EPB41L4A: variants seen among roughly 807,000 people sequenced by gnomAD.
EPB41L4A encodes the protein erythrocyte membrane protein band 4.1 like 4A.
EPB41L4A carries 100 observed loss-of-function variants against 108.6 expected under a neutral mutation model. That is an observed-to-expected ratio of 0.92 (90% CI 0.78 to 1.09). The LOEUF is 1.09. Ranked by LOEUF, EPB41L4A falls within the 50% of genes least tolerant of loss-of-function variation. The pLI is 0.00. For synonymous variants in EPB41L4A, 319 were observed against 289.0 expected (o/e 1.10, Z -1.05); for missense variants, 1,030 against 842.7 (o/e 1.22, Z -2.75).
chr5:112,320,012 G>T (rs1022973554), intron 1 of EPB41L4A, among the ~76,000 whole-genome samples: 1 of 152,230 alleles, frequency 6.6e-6, no homozygotes, highest in African/African-American at 2.4e-5. Context: ...ATCTGTGAGT[G>T]AAGGATCTAA....
chr5:112,204,569 C>A, intron 14 of EPB41L4A, 81 bp from the exon 15 acceptor site: 1 of 803,102 alleles, frequency 1.2e-6, no homozygotes, highest in Non-Finnish European at 2.1e-6. Context: ...CTATTCATAA[C>A]TGCACAGCTG....
intron 16 of EPB41L4A, 159 bp from the exon 17 acceptor site, chr5:112,194,804 G>A: frequency 2.0e-6 from 1 of 504,472 alleles, no homozygotes; most frequent in South Asian, 3.3e-5. Flanking sequence ...CAGTGTTTCT[G>A]AACTCAGTAA....
intron 18 of EPB41L4A, among the ~76,000 whole-genome samples, chr5:112,180,715 C>A (rs1761103265): frequency 6.8e-6 from 1 of 146,186 alleles, no homozygotes. Context: ...TGGTCTTCAT[C>A]AAAATTAAAA....
intron 12 of EPB41L4A, among the ~76,000 whole-genome samples, chr5:112,231,806 A>AT (rs1748969683): frequency 6.8e-6 from 1 of 147,724 alleles, no homozygotes; most frequent in Non-Finnish European, 1.5e-5. Flanking sequence ...AAAAAAAAAA[A>AT]AAAAAAAAAA....
chr5:112,344,114 A>T (rs1757491491), intron 1 of EPB41L4A, among the ~76,000 whole-genome samples: 1 of 152,178 alleles, frequency 6.6e-6, no homozygotes, highest in Non-Finnish European at 1.5e-5. Flanking sequence ...GAATTATTAA[A>T]CGTTCCACTA....
intron 1 of EPB41L4A, among the ~76,000 whole-genome samples, chr5:112,398,093 C>T (rs1761485714): frequency 6.6e-6 from 1 of 152,150 alleles, no homozygotes; most frequent in South Asian, 2.1e-4. Flanking sequence ...AACAAGCTGG[C>T]GAAAGCACAG....
At chr5:112,258,527 T>C (rs980600820) in intron 9 of EPB41L4A, among the ~76,000 whole-genome samples, 4 of 152,224 alleles carry the variant, frequency 2.6e-5, no homozygotes, top group African/African-American at 9.6e-5. Context: ...CACTCATGTA[T>C]CCCATAATAT....
At chr5:112,411,589 T>C (rs923625708) in intron 1 of EPB41L4A, among the ~76,000 whole-genome samples, 1 of 151,310 alleles carries the variant, frequency 6.6e-6, no homozygotes, top group Non-Finnish European at 1.5e-5. Flanking sequence ...GCAGATATCA[T>C]GCCCCTCAGC....
intron 1 of EPB41L4A, among the ~76,000 whole-genome samples, chr5:112,340,226 T>C (rs545018339): frequency 6.6e-6 from 1 of 152,326 alleles, no homozygotes; most frequent in African/African-American, 2.4e-5. Flanking sequence ...TTTCTGGCTC[T>C]TATCCAACTT....
At chr5:112,168,375 A>C (rs1251319498) in intron 22 of EPB41L4A, among the ~76,000 whole-genome samples, 1 of 152,256 alleles carries the variant, frequency 6.6e-6, no homozygotes, top group African/African-American at 2.4e-5. Context: ...CAGTTAACAA[A>C]GTGAGTCTAT....
intron 4 of EPB41L4A, among the ~76,000 whole-genome samples, chr5:112,272,483 T>C (rs1752330968): frequency 6.6e-6 from 1 of 151,756 alleles, no homozygotes; most frequent in African/African-American, 2.4e-5. Flanking sequence ...GGCCAAAGCA[T>C]ATAGTTAATT....
At chr5:112,238,805 A>C (rs1749551834) in intron 11 of EPB41L4A, among the ~76,000 whole-genome samples, 1 of 152,208 alleles carries the variant, frequency 6.6e-6, no homozygotes, top group African/African-American at 2.4e-5. Context: ...ACCTAATACT[A>C]TGCCTTGCAC....
intron 1 of EPB41L4A, among the ~76,000 whole-genome samples, chr5:112,399,684 C>T (rs187714943): frequency 4.6e-5 from 7 of 152,282 alleles, no homozygotes; most frequent in African/African-American, 7.2e-5. Flanking sequence ...TAAATACCAC[C>T]AGGGTTCTTC....
intron 15 of EPB41L4A, among the ~76,000 whole-genome samples, chr5:112,198,238 G>T (rs894464877): frequency 6.6e-6 from 1 of 152,028 alleles, no homozygotes; most frequent in Admixed American, 6.5e-5. Flanking sequence ...TCACCATGTT[G>T]GGTAGGCTAG....
chr5:112,164,968 T>C lies in EPB41L4A; in HGVS notation c.*22A>G. 1 of 1,598,486 alleles carries C rather than the reference T, an allele frequency of 6.3e-7. No homozygotes were observed. Among genetic ancestry groups the C allele is most frequent in the Non-Finnish European group, 8.5e-7 (1 of 1,174,132 alleles). On this transcript the variant is annotated 3_prime_UTR_variant, in exon 23 of 23. Transcript: ENST00000261486. Reference sequence around the variant, plus strand: ...GTGGCGCACACAACCTTCCCACCCCTACCCTTGACCCTTCATCAGGATCAA... The same window carrying C: ...GTGGCGCACACAACCTTCCCACCCCCACCCTTGACCCTTCATCAGGATCAA...
intron 12 of EPB41L4A, among the ~76,000 whole-genome samples, chr5:112,232,144 G>A (rs1462346071): frequency 4.6e-5 from 7 of 151,212 alleles, no homozygotes; most frequent in Admixed American, 4.6e-4. Context: ...GAGAGAGAGA[G>A]AGAGAGATCC....
intron 1 of EPB41L4A, among the ~76,000 whole-genome samples, chr5:112,357,442 A>G (rs1372354522): frequency 1.3e-5 from 2 of 152,242 alleles, no homozygotes; most frequent in Non-Finnish European, 2.9e-5. Context: ...CAGATGTCTC[A>G]GGTATCTCTA....
At chr5:112,192,309 G>C (rs1039809768) in intron 17 of EPB41L4A, 2 of 152,156 alleles carry the variant, frequency 1.3e-5, no homozygotes, top group Non-Finnish European at 2.9e-5. Context: ...TGCAGTGGTG[G>C]GGATCAGAAC....
At chr5:112,239,798 C>T in intron 10 of EPB41L4A, 61 bp from the exon 11 acceptor site, 2 of 1,112,526 alleles carry the variant, frequency 1.8e-6, no homozygotes, top group African/African-American at 1.6e-5. Context: ...TCTGGGCCAC[C>T]CCCTTCTCCT....
Sources: allele counts gnomAD v4.1 joint callset (sites outside exome capture counted in the v4.1 genomes callset), GRCh38; gene constraint gnomAD v4.1.1; transcripts MANE v1.5; gene names NCBI Gene and HGNC (gene_info 2026-07-23, HGNC 2026-07-21).